Variants in ATP8A2 observed in about 807,000 individuals in gnomAD.
ATP8A2 encodes phospholipid-transporting ATPase IB.
Under a neutral mutation model 165.6 loss-of-function variants are expected in ATP8A2, and 100 were observed. The observed-to-expected ratio is 0.60, with a 90% CI of 0.51 to 0.71. The LOEUF (loss-of-function observed/expected upper bound fraction) is 0.71, where lower values mean the gene tolerates loss of function less well. Ranked by LOEUF, ATP8A2 falls within the 30% of genes least tolerant of loss-of-function variation. The pLI is 0.00. For missense variants in ATP8A2, 1,227 were observed against 1,479.5 expected (o/e 0.83, Z 2.80); for synonymous variants, 543 against 548.8 (o/e 0.99, Z 0.15).
chr13:25,990,821 C>T (rs1411067269), intron 35 of ATP8A2, among the ~76,000 whole-genome samples: 2 of 152,224 alleles, frequency 1.3e-5, no homozygotes, highest in African/African-American at 4.8e-5. Flanking sequence ...CTATTCTTCA[C>T]TTGCTTGGTG....
chr13:25,581,842 A>G lies in ATP8A2; in HGVS notation c.2031A>G (p.Thr677=), dbSNP rs1312527253. 2 of 1,614,062 alleles carry G rather than the reference A, an allele frequency of 1.2e-6. No homozygotes were observed. Among genetic ancestry groups the G allele is most frequent in the Admixed American group, 1.7e-5 (1 of 60,002 alleles). ...IEKNLLLLGA[T]AIEDRLQAGV... ...AGAATTTGCTGCTACTTGGAGCCACAGCCATAGAAGATCGCCTTCAAGCAG... is the reference window on the plus strand; with the variant it reads ...AGAATTTGCTGCTACTTGGAGCCACGGCCATAGAAGATCGCCTTCAAGCAG... The change falls in exon 23 of 37, where the codon ACA becomes ACG. Residue 677 remains threonine (T), a synonymous_variant. Transcript: ENST00000381655.
chr13:25,778,568 C>T (rs781647806), intron 27 of ATP8A2, among the ~76,000 whole-genome samples: 2 of 152,182 alleles, frequency 1.3e-5, no homozygotes, highest in Non-Finnish European at 2.9e-5. Context: ...TGACCATCTC[C>T]GCTGTAGCTA....
At chr13:25,394,606 C>A (rs1455588613) in intron 1 of ATP8A2, among the ~76,000 whole-genome samples, 1 of 152,122 alleles carries the variant, frequency 6.6e-6, no homozygotes, top group Admixed American at 6.5e-5. Flanking sequence ...TCTAGGCTTG[C>A]CAGGCCTGTG....
intron 33 of ATP8A2, among the ~76,000 whole-genome samples, chr13:25,895,642 G>A (rs576159388): frequency 2.8e-4 from 42 of 152,206 alleles, no homozygotes; most frequent in African/African-American, 6.0e-4. Flanking sequence ...GGTAGAATTC[G>A]GCTGTGAATC....
intron 33 of ATP8A2, among the ~76,000 whole-genome samples, chr13:25,947,383 A>G (rs1435261271): frequency 6.6e-6 from 1 of 152,178 alleles, no homozygotes; most frequent in Non-Finnish European, 1.5e-5. Flanking sequence ...CCTTCCTGGC[A>G]TCACTCTTGT....
At chr13:25,777,445 G>T (rs988225115) in intron 27 of ATP8A2, among the ~76,000 whole-genome samples, 4 of 152,066 alleles carry the variant, frequency 2.6e-5, no homozygotes, top group African/African-American at 9.7e-5. Flanking sequence ...TTGCTTATTT[G>T]CAAAGAATAC....
intron 1 of ATP8A2, among the ~76,000 whole-genome samples, chr13:25,391,441 C>T (rs1359480223): frequency 6.6e-6 from 1 of 152,216 alleles, no homozygotes; most frequent in African/African-American, 2.4e-5. Flanking sequence ...ACGTGCCAGG[C>T]ACTGACTCAC....
At chr13:25,954,863 A>T (rs1318424824) in intron 33 of ATP8A2, among the ~76,000 whole-genome samples, 1 of 152,260 alleles carries the variant, frequency 6.6e-6, no homozygotes, top group African/African-American at 2.4e-5. Flanking sequence ...ATCAAAGACC[A>T]AAGGTAGATA....
intron 27 of ATP8A2, among the ~76,000 whole-genome samples, chr13:25,807,853 TCA>T (rs1336035581): frequency 6.6e-6 from 1 of 152,160 alleles, no homozygotes; most frequent in Non-Finnish European, 1.5e-5. Flanking sequence ...CTTGTCTGTC[TCA>T]CACACACAGG....
In ATP8A2 at chr13:25,471,522, T is replaced by C. The variant is rs190157561; in HGVS notation, c.221+2401T>C. Among the ~76,000 whole-genome samples the C allele has an allele frequency of 4.9e-3, 752 of 152,300 alleles. 5 individuals carry two copies. The highest frequency in any genetic ancestry group is 0.018 in the African/African-American group (729 of 41,566). ...CCTGCCCAGCTAATTTTTGTATTTT[T>C]AGTAGAGACGGGGCTTCGCCATGTT... On this transcript the variant is annotated intron_variant, in intron 2 of 36. Transcript: ENST00000381655.
chr13:25,546,755 T>C (rs1217488646), intron 10 of ATP8A2, among the ~76,000 whole-genome samples: 1 of 152,240 alleles, frequency 6.6e-6, no homozygotes, highest in African/African-American at 2.4e-5. Flanking sequence ...CTAGGTAGTA[T>C]GTGCTCATTT....
chr13:25,712,274 C>G (rs191981515), intron 25 of ATP8A2, among the ~76,000 whole-genome samples: 1 of 152,302 alleles, frequency 6.6e-6, no homozygotes, highest in African/African-American at 2.4e-5. Flanking sequence ...AGGAATTCTT[C>G]TACCTATCTC....
chr13:25,372,532 C>T lies in ATP8A2; in HGVS notation c.76+244C>T, dbSNP rs577087657. Among the ~76,000 whole-genome samples the T allele has an allele frequency of 3.5e-4, 54 of 152,246 alleles. No homozygotes were observed. The highest frequency in any genetic ancestry group is 1.2e-3 in the African/African-American group (50 of 41,562). On this transcript the variant is annotated intron_variant, in intron 1 of 36. Coordinates refer to ENST00000381655, the MANE Select transcript of ATP8A2 (RefSeq NM_016529.6). This position sits in a 1 kb window ranked among gnomAD's most constrained non-coding sequence, Gnocchi z 4.8. ...GTGAGCGGCGGGCGTCAGAGACCCC[C>T]GGCTCGTCCCTGTACAGATGTGTGT... is the stretch of plus-strand genomic sequence containing the variant.
rs555023948 is a variant in ATP8A2, at chr13:25,846,529, G to A, written c.2956+6905G>A. Among the ~76,000 whole-genome samples, 26 of 152,308 alleles carry A rather than the reference G, an allele frequency of 1.7e-4. No homozygotes were observed. The South Asian group carries it at 5.4e-3, about 32-fold the overall frequency. On this transcript the variant is annotated intron_variant, in intron 30 of 36. Coordinates refer to ENST00000381655, the MANE Select transcript of ATP8A2 (RefSeq NM_016529.6). Reference sequence around the variant, plus strand: ...AAAGATGACATGAAGCAGTTGGGGGGAGATATTGCGGGGCAGATTGTGAGA... The same window carrying A: ...AAAGATGACATGAAGCAGTTGGGGGAAGATATTGCGGGGCAGATTGTGAGA...
At chr13:25,944,242 C>G (rs1273206877) in intron 33 of ATP8A2, among the ~76,000 whole-genome samples, 1 of 152,234 alleles carries the variant, frequency 6.6e-6, no homozygotes, top group Non-Finnish European at 1.5e-5. Context: ...GCGGGTGGCT[C>G]ACGCCCATAA....
At chr13:25,717,314 G>A (rs4770864) in intron 25 of ATP8A2, among the ~76,000 whole-genome samples, 42,774 of 151,732 alleles carry the variant, frequency 0.28, 7,717 homozygotes, top group Middle Eastern at 0.41. Context: ...ATGGGATCAG[G>A]GATTTGGGAT....
chr13:25,939,901 G>T (rs1421179498), intron 33 of ATP8A2, among the ~76,000 whole-genome samples: 1 of 152,176 alleles, frequency 6.6e-6, no homozygotes, highest in Non-Finnish European at 1.5e-5. Flanking sequence ...AAAACCACTT[G>T]TGTAGGTGGG....
chr13:25,685,161 A>G (rs1593192845), intron 24 of ATP8A2, among the ~76,000 whole-genome samples: 1 of 152,110 alleles, frequency 6.6e-6, no homozygotes, highest in East Asian at 1.9e-4. Flanking sequence ...TGACAGCCTT[A>G]GACACAGCCC....
intron 1 of ATP8A2, among the ~76,000 whole-genome samples, chr13:25,457,009 C>T (rs927688678): frequency 6.6e-6 from 1 of 152,174 alleles, no homozygotes; most frequent in Non-Finnish European, 1.5e-5. Flanking sequence ...AAAAACTCAT[C>T]ATGTTTTAAG....
Sources: allele counts gnomAD v4.1 joint callset (sites outside exome capture counted in the v4.1 genomes callset), GRCh38; gene constraint gnomAD v4.1.1; non-coding constraint Gnocchi (gnomAD v3.1); transcripts MANE v1.5; gene names NCBI Gene and HGNC (gene_info 2026-07-23, HGNC 2026-07-21).